Variants in ANKRD61 observed in about 807,000 individuals in gnomAD.
ANKRD61 encodes ankyrin repeat domain 61.
ANKRD61 carries 7 observed loss-of-function variants against 8.4 expected under a neutral mutation model. The observed-to-expected ratio is 0.84, with a 90% CI of 0.48 to 1.57. The LOEUF (loss-of-function observed/expected upper bound fraction) is 1.57. Among genes scored for constraint, ANKRD61 ranks in the 40% most tolerant of loss-of-function variants. The probability of loss-of-function intolerance (pLI) is 0.00; values close to 1 mark genes in which losing one functional copy is unlikely to be tolerated. For synonymous variants in ANKRD61, 198 were observed against 208.0 expected (o/e 0.95, Z 0.41); for missense variants, 516 against 523.4 (o/e 0.99, Z 0.14).
At position 6,035,860 on chromosome 7, in the gene ANKRD61, G is replaced by T. The variant is rs960104087; in HGVS notation, c.731G>T (p.Cys244Phe). ...TGNTPLKLAVCTASSKAGRLL... is the reference protein window; with the variant it reads ...TGNTPLKLAVFTASSKAGRLL... ...AACACGCCCCTGAAGCTTGCAGTGTGCACTGCATCAAGCAAAGCAGGCCGA... is the reference window on the plus strand; with the variant it reads ...AACACGCCCCTGAAGCTTGCAGTGTTCACTGCATCAAGCAAAGCAGGCCGA... The change falls in exon 3 of 3, where the codon TGC becomes TTC. Residue 244 changes from cysteine (C) to phenylalanine (F), a missense_variant. Transcript: ENST00000409061. The surrounding 1 kb of genome is among the most constrained non-coding windows in gnomAD (Gnocchi z 5.5). The T allele has an allele frequency of 1.0e-5, 16 of 1,547,940 alleles. No individual in the cohort carries two copies. In the East Asian group the frequency reaches 3.7e-4, roughly 36 times the overall value.
rs571955669 is a variant in ANKRD61, at chr7:6,032,036, T to C, written c.216+445T>C. 3.6e-4 allele frequency among the ~76,000 whole-genome samples: 55 copies of C among 152,134 alleles called. No homozygotes were observed. The highest frequency in any genetic ancestry group is 2.9e-4 in the Non-Finnish European group (20 of 67,990). ...TAAAAATACAAAAATTAGCCGGGCT[T>C]GGTGGCAGGAGCCTGTAATCTCAGC... is the stretch of plus-strand genomic sequence containing the variant. On this transcript the variant is annotated intron_variant, in intron 1 of 2. Transcript: ENST00000409061. This position sits in a 1 kb window ranked among gnomAD's most constrained non-coding sequence, Gnocchi z 4.3.
intron 1 of ANKRD61, 87 bp downstream of exon 1, chr7:6,031,678 C>A: frequency 2.3e-6 from 3 of 1,322,470 alleles, no homozygotes; most frequent in Non-Finnish European, 3.2e-6. Flanking sequence ...ACCCACTAAG[C>A]TCACGGCCCT....
At chr7:6,034,091 G>A (rs536869746) in intron 2 of ANKRD61, among the ~76,000 whole-genome samples, 1 of 151,814 alleles carries the variant, frequency 6.6e-6, no homozygotes, top group South Asian at 2.1e-4. Context: ...GCTGAGGTGG[G>A]TGGATCATGA....
chr7:6,033,345 T>C lies in ANKRD61; in HGVS notation c.314+409T>C, dbSNP rs1266824335. Among the ~76,000 whole-genome samples, 3 of 152,218 alleles carry C rather than the reference T, an allele frequency of 2.0e-5. No homozygotes were observed. The highest frequency in any genetic ancestry group is 3.2e-3 in the Middle Eastern group (1 of 316). On this transcript the variant is annotated intron_variant, in intron 2 of 2. Transcript: ENST00000409061. This position sits in a 1 kb window ranked among gnomAD's most constrained non-coding sequence, Gnocchi z 4.4. ...TCAGTTCATACATTTTTTCCACTTA[T>C]GTTTGGACTTGTTCGTTCTTATGAA... is the stretch of plus-strand genomic sequence containing the variant.
intron 2 of ANKRD61, among the ~76,000 whole-genome samples, chr7:6,034,113 C>T (rs991696500): frequency 2.6e-5 from 4 of 151,382 alleles, no homozygotes; most frequent in East Asian, 2.0e-4. Context: ...GTCAGGAGTT[C>T]GAGACCAGCC....
rs1424271658 is a variant in ANKRD61, at chr7:6,036,102, G to A, written c.973G>A (p.Val325Ile). The A allele has an allele frequency of 3.9e-6, 6 of 1,550,894 alleles. No individual in the cohort carries two copies. In the East Asian group the frequency reaches 1.5e-4, roughly 38 times the overall value. ...TATGTACCTTCAGCGCAGTTGCAAT[G>A]TAAGAGATACGGCACTTCTGGCCAG... ...IYMYLQRSCN[V>I]RDTALLARLL... Residue 325 changes from valine to isoleucine, a missense_variant, in exon 3 of 3, where the codon GTA (valine) becomes ATA (isoleucine). Transcript: ENST00000409061. The surrounding 1 kb of genome is among the most constrained non-coding windows in gnomAD (Gnocchi z 4.6).
chr7:6,033,020 G>A lies in ANKRD61; in HGVS notation c.314+84G>A, dbSNP rs1787962620. ...GTCTCGCTCTGTTGCCCAGGCTGGA[G>A]TGCAATGGCACAATCTCGCCTCACT... On this transcript the variant is annotated intron_variant, in intron 2 of 2. Coordinates refer to ENST00000409061, the MANE Select transcript of ANKRD61 (RefSeq NM_001271700.2). The surrounding 1 kb of genome is among the most constrained non-coding windows in gnomAD (Gnocchi z 4.4). 1.6e-6 allele frequency: 2 copies of A among 1,214,486 alleles called. No individual in the cohort carries two copies. The highest frequency in any genetic ancestry group is 2.3e-6 in the Non-Finnish European group (2 of 868,016). 75.2% of individuals were successfully genotyped at this position (1,214,486 alleles called of 1,614,324 possible). A position where few individuals can be genotyped will look rare whatever the true frequency, so the allele number is the denominator to read the frequency against.
chr7:6,035,464 C>T lies in ANKRD61; in HGVS notation c.335C>T (p.Thr112Ile), dbSNP rs1363421437. 6.4e-7 allele frequency: 1 copy of T among 1,550,658 alleles called. No homozygotes were observed. The highest frequency in any genetic ancestry group is 8.7e-7 in the Non-Finnish European group (1 of 1,146,878). The change falls in exon 3 of 3, where the codon ACA becomes ATA. Residue 112 changes from threonine to isoleucine, a missense_variant. Transcript: ENST00000409061. This position sits in a 1 kb window ranked among gnomAD's most constrained non-coding sequence, Gnocchi z 5.5. ...TCTAGGGACACGACAGGCCTCACCA[C>T]ACTCAACTTAATGCTACTGCACTGG... ...PEVRDTTGLT[T>I]LNLMLLHWPV...
chr7:6,035,597 A>T lies in ANKRD61; in HGVS notation c.468A>T (p.Gly156=). 2 of 1,551,056 alleles carry T rather than the reference A, an allele frequency of 1.3e-6. No individual in the cohort carries two copies. Among genetic ancestry groups the T allele is most frequent in the Non-Finnish European group, 1.7e-6 (2 of 1,147,088 alleles). The change falls in exon 3 of 3, where the codon GGA becomes GGT. Residue 156 remains glycine (G), a synonymous_variant. Transcript: ENST00000409061. The surrounding 1 kb of genome is among the most constrained non-coding windows in gnomAD (Gnocchi z 5.5). ...GTCTCCGCATCTTGTGTGCGCACGG[A>T]GCTCAAGTGAACACTCAAGGGGAAA... The part of the protein sequence containing the change: ...ITCLRILCAH[G]AQVNTQGEIS...
Position 6,032,634 on chromosome 7 carries a change from AAC to A in ANKRD61, c.217-201_217-200del, listed in dbSNP as rs578107239. ...CCTCAGTAAATGTGCATTTCTGTGA[AAC>A]ACAGATTTTATAGGATGGAATTCAC... On this transcript the variant is annotated intron_variant, in intron 1 of 2. Transcript: ENST00000409061. This position sits in a 1 kb window ranked among gnomAD's most constrained non-coding sequence, Gnocchi z 4.3. Among the ~76,000 whole-genome samples, 9 of 152,246 alleles carry A rather than the reference AAC, an allele frequency of 5.9e-5. No individual in the cohort carries two copies. The highest frequency in any genetic ancestry group is 1.0e-4 in the Non-Finnish European group (7 of 68,046).
chr7:6,034,377 T>C (rs996664848), intron 2 of ANKRD61, among the ~76,000 whole-genome samples: 5 of 152,082 alleles, frequency 3.3e-5, no homozygotes, highest in African/African-American at 1.2e-4. Flanking sequence ...ACCTGACCTG[T>C]CTTGCTCCCA....
rs928814378 is a variant in ANKRD61 at position 6,033,832 on chromosome 7, G to A, written c.314+896G>A. ...GATCCGTCCACCTCAGCCTCCCAAA[G>A]TGCTGGGATTACAGGCGTGAGCCGC... On this transcript the variant is annotated intron_variant, in intron 2 of 2. Transcript: ENST00000409061. The surrounding 1 kb of genome is among the most constrained non-coding windows in gnomAD (Gnocchi z 4.4). Among the ~76,000 whole-genome samples, 3 of 151,772 alleles carry A rather than the reference G, an allele frequency of 2.0e-5. No homozygotes were observed. The highest frequency in any genetic ancestry group is 7.3e-5 in the African/African-American group (3 of 41,338).
At position 6,032,729 on chromosome 7, in the gene ANKRD61, A is replaced by T; in HGVS notation, c.217-110A>T. ...CAATGCACATACCAGAAAAAGAGTG[A>T]GCCAATGAGACACTAAATAAATGTA... On this transcript the variant is annotated intron_variant, in intron 1 of 2. Transcript: ENST00000409061. This position sits in a 1 kb window ranked among gnomAD's most constrained non-coding sequence, Gnocchi z 4.3. The T allele has an allele frequency of 1.3e-6, 1 of 799,596 alleles. No homozygotes were observed. The allele number at this position is 799,596 out of a possible 1,614,324, so 49.5% of individuals were successfully genotyped here. A position where few individuals can be genotyped will look rare whatever the true frequency, so the allele number is the denominator to read the frequency against.
rs1475842237 is a variant in ANKRD61, at chr7:6,033,955, G to C, written c.314+1019G>C. Among the ~76,000 whole-genome samples, 1 of 152,014 alleles carries C rather than the reference G, an allele frequency of 6.6e-6. No individual in the cohort carries two copies. Among genetic ancestry groups the C allele is most frequent in the Non-Finnish European group, 1.5e-5 (1 of 68,004 alleles). On this transcript the variant is annotated intron_variant, in intron 2 of 2. Transcript: ENST00000409061. The surrounding 1 kb of genome is among the most constrained non-coding windows in gnomAD (Gnocchi z 4.4). ...GACCTTGTGCACCACTGTATCTCCA[G>C]CACCTCAACCAAATCAATGCCTGAC... is the stretch of plus-strand genomic sequence containing the variant.
Position 6,032,832 on chromosome 7 carries a change from T to C in ANKRD61, c.217-7T>C, listed in dbSNP as rs1381802278. On this transcript the variant is annotated splice_polypyrimidine_tract_variant and splice_region_variant and intron_variant, in intron 1 of 2. Transcript: ENST00000409061. This position sits in a 1 kb window ranked among gnomAD's most constrained non-coding sequence, Gnocchi z 4.3. ...CACTTGTAATGTGTTTTGTTTTCCC[T>C]CCAAAGCCGACAGAGTCTATCATCC... The C allele has an allele frequency of 6.5e-7, 1 of 1,550,006 alleles. No individual in the cohort carries two copies. The highest frequency in any genetic ancestry group is 1.2e-5 in the South Asian group (1 of 84,034).
rs1315749390 is a variant in ANKRD61 at position 6,036,422 on chromosome 7, C to T, written c.*36C>T. 7.1e-7 allele frequency: 1 copy of T among 1,411,704 alleles called. No individual in the cohort carries two copies. Among genetic ancestry groups the T allele is most frequent in the Non-Finnish European group, 9.3e-7 (1 of 1,078,240 alleles). 87.4% of individuals were successfully genotyped at this position (1,411,704 alleles called of 1,614,324 possible). ...CCCAGTTTCACAGCAGAGGGACTTT[C>T]AGCCACTCAAACTGCATTTTCTGGC... On this transcript the variant is annotated 3_prime_UTR_variant, in exon 3 of 3. Coordinates refer to ENST00000409061, the MANE Select transcript of ANKRD61 (RefSeq NM_001271700.2). The surrounding 1 kb of genome is among the most constrained non-coding windows in gnomAD (Gnocchi z 4.6).
rs770357764 is a variant in ANKRD61 at position 6,031,507 on chromosome 7, C to A, written c.132C>A (p.Ile44=). The A allele has an allele frequency of 1.9e-6, 3 of 1,550,672 alleles. No homozygotes were observed. The highest frequency in any genetic ancestry group is 2.6e-6 in the Non-Finnish European group (3 of 1,146,982). ...EAIMREDCTT[I]EVLLRNHPVN... ...TCATGAGAGAAGACTGCACTACGATCGAGGTACTCCTGAGAAATCACCCTG... is the reference window on the plus strand; with the variant it reads ...TCATGAGAGAAGACTGCACTACGATAGAGGTACTCCTGAGAAATCACCCTG... Residue 44 remains isoleucine (I), a synonymous_variant, in exon 1 of 3, where the codon ATC becomes ATA. Coordinates refer to ENST00000409061, the MANE Select transcript of ANKRD61 (RefSeq NM_001271700.2).
chr7:6,036,336 A>G lies in ANKRD61; in HGVS notation c.1207A>G (p.Thr403Ala). The part of the protein sequence containing the change: ...KQHLKQFLPV[T>A]IWNSVYCCYD... Reference sequence around the variant, plus strand: ...GCACTTGAAGCAATTCCTCCCAGTGACAATATGGAATTCTGTCTACTGCTG... The same window carrying G: ...GCACTTGAAGCAATTCCTCCCAGTGGCAATATGGAATTCTGTCTACTGCTG... The change falls in exon 3 of 3, where the codon ACA (threonine) becomes GCA (alanine). Residue 403 changes from threonine to alanine, a missense_variant. Coordinates refer to ENST00000409061, the MANE Select transcript of ANKRD61 (RefSeq NM_001271700.2). The surrounding 1 kb of genome is among the most constrained non-coding windows in gnomAD (Gnocchi z 4.6). 6.5e-7 allele frequency: 1 copy of G among 1,536,642 alleles called. No homozygotes were observed. The highest frequency in any genetic ancestry group is 8.8e-7 in the Non-Finnish European group (1 of 1,142,160).
Position 6,036,406 on chromosome 7 carries a change from AC to A in ANKRD61, c.*21del. The A allele has an allele frequency of 6.9e-7, 1 of 1,439,606 alleles. No individual in the cohort carries two copies. Among genetic ancestry groups the A allele is most frequent in the Non-Finnish European group, 9.1e-7 (1 of 1,097,532 alleles). The allele number at this position is 1,439,606 out of a possible 1,614,324, so 89.2% of individuals were successfully genotyped here. ...TCTTGAAATAAGACCTCCCAGTTTC[AC>A]AGCAGAGGGACTTTCAGCCACTCAA... On this transcript the variant is annotated 3_prime_UTR_variant, in exon 3 of 3. Coordinates refer to ENST00000409061, the MANE Select transcript of ANKRD61 (RefSeq NM_001271700.2). The surrounding 1 kb of genome is among the most constrained non-coding windows in gnomAD (Gnocchi z 4.6).
Sources: gnomAD v4.1 joint callset for allele counts (sites outside exome capture counted in the v4.1 genomes callset) on GRCh38, gnomAD v4.1.1 for gene constraint, Gnocchi (gnomAD v3.1) non-coding constraint, MANE v1.5 for transcripts, NCBI Gene and HGNC (gene_info 2026-07-23, HGNC 2026-07-21) for gene names.